The following NLGN1 variants were observed in gnomAD, a reference collection of about 807,000 sequenced individuals.
NLGN1 encodes neuroligin 1.
A neutral mutation model predicts 65.5 loss-of-function variants in NLGN1; 12 were observed. The observed-to-expected ratio is 0.18, with a 90% CI of 0.12 to 0.30. The LOEUF (loss-of-function observed/expected upper bound fraction) is 0.30, where lower values mean the gene tolerates loss of function less well. NLGN1 is among the 10% of genes least tolerant of loss of function. The pLI, the probability that NLGN1 is intolerant of heterozygous loss-of-function variation, is 1.00. For missense variants in NLGN1, 750 were observed against 1,007.1 expected (o/e 0.74, Z 3.46); for synonymous variants, 350 against 359.5 (o/e 0.97, Z 0.30).
chr3:173,486,346 G>A (rs946815912), intron 2 of NLGN1, among the ~76,000 whole-genome samples: 1 of 152,124 alleles, frequency 6.6e-6, no homozygotes, highest in African/African-American at 2.4e-5. Flanking sequence ...ACAGGATTGA[G>A]CCACTGCACC....
chr3:174,081,592 A>G, intron 4 of NLGN1, among the ~76,000 whole-genome samples: 1 of 134,018 alleles, frequency 7.5e-6, no homozygotes. Flanking sequence ...ATTAGTGATT[A>G]GGTTGTTTTT....
At chr3:173,407,338 A>G (rs977253555) in intron 1 of NLGN1, among the ~76,000 whole-genome samples, 2 of 152,190 alleles carry the variant, frequency 1.3e-5, no homozygotes, top group African/African-American at 4.8e-5. Context: ...ACATAGGCTC[A>G]CTTCCTTAGT....
chr3:174,000,016 A>G (rs1207190578), intron 4 of NLGN1, among the ~76,000 whole-genome samples: 1 of 152,146 alleles, frequency 6.6e-6, no homozygotes, highest in Admixed American at 6.5e-5. Flanking sequence ...ATCAAAGCAA[A>G]GAATCATAAT....
intron 3 of NLGN1, among the ~76,000 whole-genome samples, chr3:173,622,526 T>C (rs185042739): frequency 3.9e-5 from 6 of 151,904 alleles, no homozygotes; most frequent in Non-Finnish European, 7.4e-5. Flanking sequence ...AATGCCCAAA[T>C]TGCTTTCCGA....
intron 4 of NLGN1, among the ~76,000 whole-genome samples, chr3:173,969,812 A>G (rs1290170082): frequency 6.6e-6 from 1 of 152,130 alleles, no homozygotes; most frequent in African/African-American, 2.4e-5. Flanking sequence ...CTCTGCGTAG[A>G]ATCAAAATTG....
chr3:173,455,681 A>G (rs550098921), intron 2 of NLGN1, among the ~76,000 whole-genome samples: 29 of 152,282 alleles, frequency 1.9e-4, no homozygotes, highest in African/African-American at 6.7e-4. Flanking sequence ...AAAGCAAACA[A>G]CAATAAAACA....
intron 4 of NLGN1, among the ~76,000 whole-genome samples, chr3:174,225,010 G>T (rs1577442305): frequency 6.6e-6 from 1 of 152,122 alleles, no homozygotes; most frequent in African/African-American, 2.4e-5. Context: ...TCTTTATGTG[G>T]ACTCTTTCCT....
At chr3:173,595,191 T>C (rs1749244028) in intron 2 of NLGN1, among the ~76,000 whole-genome samples, 1 of 152,210 alleles carries the variant, frequency 6.6e-6, no homozygotes, top group Admixed American at 6.5e-5. Flanking sequence ...GCAAATTTTC[T>C]GAACTTTTAT....
intron 3 of NLGN1, among the ~76,000 whole-genome samples, chr3:173,806,499 A>T (rs984172956): frequency 2.0e-5 from 3 of 152,140 alleles, no homozygotes; most frequent in East Asian, 1.9e-4. Flanking sequence ...ATAAAAAAAG[A>T]TAATACATTT....
At chr3:173,904,204 A>C (rs1015370197) in intron 4 of NLGN1, among the ~76,000 whole-genome samples, 13 of 152,094 alleles carry the variant, frequency 8.5e-5, no homozygotes, top group African/African-American at 3.1e-4. Flanking sequence ...TGGGCTTTTT[A>C]AAATAAAAGA....
intron 2 of NLGN1, among the ~76,000 whole-genome samples, chr3:173,499,428 A>G (rs371989251): frequency 0.08 from 12,147 of 151,812 alleles, 614 homozygotes; most frequent in Middle Eastern, 0.21. Context: ...CTGTTTTGGT[A>G]CCAGTACCAT....
chr3:174,272,661 GGATGGATA>G (rs1278034799), intron 4 of NLGN1, among the ~76,000 whole-genome samples: 2 of 105,416 alleles, frequency 1.9e-5, no homozygotes, highest in Non-Finnish European at 2.1e-5. Context: ...ATGGATGGAT[GGATGGATA>G]GATAGATAGA....
At chr3:173,672,490 G>A (rs1453488985) in intron 3 of NLGN1, among the ~76,000 whole-genome samples, 1 of 152,200 alleles carries the variant, frequency 6.6e-6, no homozygotes, top group African/African-American at 2.4e-5. Context: ...AATCTTGGAT[G>A]TATTCTTAAT....
intron 4 of NLGN1, among the ~76,000 whole-genome samples, chr3:174,101,469 AC>A (rs1385225401): frequency 6.6e-6 from 1 of 152,190 alleles, no homozygotes; most frequent in Non-Finnish European, 1.5e-5. Context: ...TACTGTTTAC[AC>A]TGAGTTAGGT....
intron 2 of NLGN1, among the ~76,000 whole-genome samples, chr3:173,483,322 TA>T (rs1261711036): frequency 6.6e-6 from 1 of 152,064 alleles, no homozygotes; most frequent in East Asian, 1.9e-4. Context: ...ACATGTAAAT[TA>T]GCCTTTCTGA....
intron 3 of NLGN1, among the ~76,000 whole-genome samples, chr3:173,734,974 C>T (rs1344070591): frequency 6.6e-6 from 1 of 152,056 alleles, no homozygotes; most frequent in Non-Finnish European, 1.5e-5. Flanking sequence ...CAACATTCTT[C>T]TCTGCAAAGG....
chr3:174,076,714 AGAGAGAGAGAGTGTGTGTGT>A (rs1741029944), intron 4 of NLGN1, among the ~76,000 whole-genome samples: 1 of 135,464 alleles, frequency 7.4e-6, no homozygotes, highest in South Asian at 2.4e-4. Flanking sequence ...AGAGAGAGAG[AGAGAGAGAGAGTGTGTGTGT>A]GTGTGTGTGT....
At chr3:173,495,600 T>TA (rs1385246158) in intron 2 of NLGN1, among the ~76,000 whole-genome samples, 3 of 151,078 alleles carry the variant, frequency 2.0e-5, no homozygotes, top group Admixed American at 2.0e-4. Flanking sequence ...TTAAGTTAGA[T>TA]ATTAGCTGTA....
chr3:173,500,065 C>G (rs1730785794), intron 2 of NLGN1, among the ~76,000 whole-genome samples: 1 of 152,190 alleles, frequency 6.6e-6, no homozygotes, highest in African/African-American at 2.4e-5. Context: ...CCTGATTGCC[C>G]TGGCTAGAAC....
Sources: gnomAD v4.1 joint callset for allele counts (sites outside exome capture counted in the v4.1 genomes callset) on GRCh38, gnomAD v4.1.1 for gene constraint, MANE v1.5 for transcripts, NCBI Gene and HGNC (gene_info 2026-07-23, HGNC 2026-07-21) for gene names.